The following SCAF4 variants were observed in gnomAD, a reference collection of about 807,000 sequenced individuals.
The protein encoded by SCAF4 is SR-related and CTD-associated factor 4.
Under a neutral mutation model 129.8 loss-of-function variants are expected in SCAF4, and 25 were observed. That is an observed-to-expected ratio of 0.19 (90% confidence interval 0.14 to 0.27). SCAF4 has a LOEUF of 0.27. Among genes scored for constraint, SCAF4 ranks in the 10% least tolerant of loss-of-function variants. The pLI is 1.00. For missense variants in SCAF4, 1,246 were observed against 1,457.1 expected (o/e 0.86, Z 2.36); for synonymous variants, 551 against 497.7 (o/e 1.11, Z -1.43).
At chr21:31,675,684 G>C (rs903037266) in intron 19 of SCAF4, among the ~76,000 whole-genome samples, 1 of 152,160 alleles carries the variant, frequency 6.6e-6, no homozygotes, top group Non-Finnish European at 1.5e-5. Context: ...GGCTCTAAGT[G>C]CCTGAATTCA....
In SCAF4 at chr21:31,696,618, C is replaced by G. The variant is rs2050393569; in HGVS notation, c.910G>C (p.Ala304Pro). The change falls in exon 8 of 20, where the codon GCT becomes CCT. Residue 304 changes from alanine (A) to proline (P), a missense_variant. Physicochemically the swap from Ala to Pro is conservative, Grantham distance 27 (BLOSUM62 -1). This residue lies in a region of SCAF4 where 236 missense variants were observed against 210.0 expected (regional missense o/e 1.12). Transcript: ENST00000286835. ...VPPAPTATVPAAAAPAAASPP... is the reference protein window; with the variant it reads ...VPPAPTATVPPAAAPAAASPP... ...GAGGCAGCAGCGGGTGCAGCAGCAG[C>G]AGGCACGGTGGCGGTGGGTGCAGGG... The G allele has an allele frequency of 6.2e-7, 1 of 1,612,658 alleles. No individual in the cohort carries two copies. The highest frequency in any genetic ancestry group is 1.3e-5 in the African/African-American group (1 of 74,812).
chr21:31,723,870 T>C (rs1373233559), intron 1 of SCAF4, among the ~76,000 whole-genome samples: 1 of 152,132 alleles, frequency 6.6e-6, no homozygotes, highest in African/African-American at 2.4e-5. Flanking sequence ...ATTATAACTT[T>C]CAAGAGGTAT....
chr21:31,671,513 C>CT lies in SCAF4; in HGVS notation c.3329dup (p.Lys1111GlufsTer5). On this transcript the variant is annotated frameshift_variant, in exon 20 of 20. Coordinates refer to ENST00000286835, the MANE Select transcript of SCAF4 (RefSeq NM_020706.2). LOFTEE classifies it high-confidence loss of function. ...GGACTGCAGCCTCAGACACCCCCTTCTCAAGTTCTGAAGCAGTGTCTACAT... is the reference window on the plus strand; with the variant it reads ...GGACTGCAGCCTCAGACACCCCCTTCTTCAAGTTCTGAAGCAGTGTCTACAT... The CT allele has an allele frequency of 1.2e-6, 2 of 1,614,214 alleles. No individual in the cohort carries two copies. Among genetic ancestry groups the CT allele is most frequent in the Non-Finnish European group, 1.7e-6 (2 of 1,180,026 alleles).
Position 31,731,815 on chromosome 21 carries a change from C to T in SCAF4, c.-123G>A. ...GGGGGAGGCGACGAGCGGCGGAGTCCGAGGCCCGGGCAGGAAGAGGCTGCG... is the reference window on the plus strand; with the variant it reads ...GGGGGAGGCGACGAGCGGCGGAGTCTGAGGCCCGGGCAGGAAGAGGCTGCG... On this transcript the variant is annotated 5_prime_UTR_variant, in exon 1 of 20. Transcript: ENST00000286835. The T allele has an allele frequency of 8.5e-7, 1 of 1,170,754 alleles. No individual in the cohort carries two copies. Among genetic ancestry groups the T allele is most frequent in the South Asian group, 1.8e-5 (1 of 56,344 alleles). The allele number at this position is 1,170,754 out of a possible 1,614,324, so 72.5% of individuals were successfully genotyped here. A position where few individuals can be genotyped will look rare whatever the true frequency, so the allele number is the denominator to read the frequency against.
At chr21:31,710,823 C>T (rs1027328772) in intron 1 of SCAF4, among the ~76,000 whole-genome samples, 4 of 152,186 alleles carry the variant, frequency 2.6e-5, no homozygotes, top group African/African-American at 9.7e-5. Flanking sequence ...GAATGAGTGG[C>T]AGGCAAGGAA....
chr21:31,724,118 A>G (rs907655185), intron 1 of SCAF4, among the ~76,000 whole-genome samples: 2 of 152,208 alleles, frequency 1.3e-5, no homozygotes, highest in South Asian at 2.1e-4. Context: ...GTAATCAATA[A>G]ACGATGCAAA....
intron 15 of SCAF4, among the ~76,000 whole-genome samples, chr21:31,690,565 C>G (rs2050235760): frequency 6.6e-6 from 1 of 152,190 alleles, no homozygotes; most frequent in Non-Finnish European, 1.5e-5. Context: ...AAAAGTTCTA[C>G]TTAATTCTGT....
At chr21:31,687,285 G>A (rs772089921) in intron 16 of SCAF4, among the ~76,000 whole-genome samples, 29 of 152,060 alleles carry the variant, frequency 1.9e-4, no homozygotes, top group African/African-American at 6.3e-4. Context: ...CCCTTATGAC[G>A]TGACAAAAAA....
In SCAF4 at chr21:31,671,540, TC is replaced by T. The variant is rs1185492086; in HGVS notation, c.3302del (p.Gly1101GlufsTer3). The T allele has an allele frequency of 6.2e-7, 1 of 1,614,188 alleles. No homozygotes were observed. The highest frequency in any genetic ancestry group is 8.5e-7 in the Non-Finnish European group (1 of 1,180,028). On this transcript the variant is annotated frameshift_variant, in exon 20 of 20. Transcript: ENST00000286835. LOFTEE classifies it high-confidence loss of function. ...KTVEPPISQV[G>X]NVDTASELEK... is the part of the protein sequence containing the mutation. ...CAAGTTCTGAAGCAGTGTCTACATT[TC>T]CCACTTGGCTAATGGGAGGTTCAAC... is the stretch of plus-strand genomic sequence containing the variant.
chr21:31,722,990 A>G (rs1454182674), intron 1 of SCAF4, among the ~76,000 whole-genome samples: 1 of 152,112 alleles, frequency 6.6e-6, no homozygotes, highest in East Asian at 1.9e-4. Context: ...AAAAAAATAC[A>G]TGGATAGTAT....
intron 1 of SCAF4, among the ~76,000 whole-genome samples, chr21:31,727,776 C>CTTTTTTTTA (rs1401823409): frequency 6.6e-6 from 1 of 151,298 alleles, no homozygotes; most frequent in Non-Finnish European, 1.5e-5. Context: ...GGTGACAGAG[C>CTTTTTTTTA]GGGTCTCCAC....
chr21:31,695,046 A>G, intron 9 of SCAF4, 66 bp from the exon 10 acceptor site: 2 of 1,305,706 alleles, frequency 1.5e-6, no homozygotes, highest in Non-Finnish European at 2.1e-6. Flanking sequence ...CTTTAGTTAT[A>G]TAAAACTAAA....
At chr21:31,692,090 T>G in intron 13 of SCAF4, 160 bp from the exon 14 acceptor site, 1 of 590,240 alleles carries the variant, frequency 1.7e-6, no homozygotes, top group Middle Eastern at 3.2e-4. Flanking sequence ...TGGTCTCAAC[T>G]GAGTCCTCCA....
intron 1 of SCAF4, among the ~76,000 whole-genome samples, chr21:31,716,154 C>A (rs2050916353): frequency 6.6e-6 from 1 of 151,806 alleles, no homozygotes; most frequent in Non-Finnish European, 1.5e-5. Flanking sequence ...AGCAATATTT[C>A]TTTCTGAATC....
chr21:31,671,648 A>G lies in SCAF4; in HGVS notation c.3195T>C (p.Asp1065=), dbSNP rs761218828. The G allele has an allele frequency of 8.1e-6, 13 of 1,613,322 alleles. No individual in the cohort carries two copies. Among genetic ancestry groups the G allele is most frequent in the Non-Finnish European group, 8.5e-7 (1 of 1,179,844 alleles). ...GHRDRERDSR[D]RESRREKEEA... is the part of the protein sequence containing the mutation. ...CTTCCTTCTCTCTACGAGACTCTCTATCTCTAGAATCTCTCTCTCTGTCTC... is the reference window on the plus strand; with the variant it reads ...CTTCCTTCTCTCTACGAGACTCTCTGTCTCTAGAATCTCTCTCTCTGTCTC... Residue 1065 remains aspartate, a synonymous_variant, in exon 20 of 20, where the codon GAT becomes GAC. Transcript: ENST00000286835.
In SCAF4 at chr21:31,685,445, G is replaced by A; in HGVS notation, c.2249C>T (p.Pro750Leu). 1.9e-6 allele frequency: 3 copies of A among 1,613,582 alleles called. No homozygotes were observed. The highest frequency in any genetic ancestry group is 2.5e-6 in the Non-Finnish European group (3 of 1,179,706). Residue 750 changes from proline to leucine, a missense_variant, in exon 18 of 20, where the codon CCA becomes CTA. Physicochemically the swap from Pro to Leu is moderately conservative, Grantham distance 98. Transcript: ENST00000286835. ...AGTGTGAGGAGGAGGAATGGATACT[G>A]GTGGAGTTATAGGAGGTGGGGGTCC... ...PPGPPPPITP[P>L]VSIPPPHTPP...
chr21:31,676,174 C>A (rs2049850511), intron 19 of SCAF4, among the ~76,000 whole-genome samples: 1 of 152,198 alleles, frequency 6.6e-6, no homozygotes, highest in Non-Finnish European at 1.5e-5. Flanking sequence ...CTCAGTTCCT[C>A]TACCTGTTTT....
In SCAF4 at chr21:31,671,077, G is replaced by C. The variant is rs1478467956; in HGVS notation, c.*322C>G. The C allele has an allele frequency of 4.3e-6, 1 of 232,080 alleles. No individual in the cohort carries two copies. Among genetic ancestry groups the C allele is most frequent in the African/African-American group, 2.3e-5 (1 of 42,596 alleles). 14.4% of individuals were successfully genotyped at this position (232,080 alleles called of 1,614,324 possible). ...TTATTAAAAACATCCCTATTGTTTT[G>C]AGGAGCTTTCACCGTTACCTTGTCT... On this transcript the variant is annotated 3_prime_UTR_variant, in exon 20 of 20. Transcript: ENST00000286835.
intron 15 of SCAF4, among the ~76,000 whole-genome samples, chr21:31,689,135 C>T (rs541055736): frequency 6.6e-6 from 1 of 152,224 alleles, no homozygotes; most frequent in South Asian, 2.1e-4. Flanking sequence ...AGATGTCCAG[C>T]ACATAGTAGG....
Sources: gnomAD v4.1 joint callset for allele counts (sites outside exome capture counted in the v4.1 genomes callset) on GRCh38, gnomAD v4.1.1 for gene constraint, gnomAD v4.1.1 regional missense constraint, MANE v1.5 for transcripts, NCBI Gene and HGNC (gene_info 2026-07-23, HGNC 2026-07-21) for gene names.